Variants in JCAD observed in about 807,000 individuals in gnomAD.
JCAD encodes the protein junctional cadherin 5 associated.
Under a neutral mutation model 98.0 loss-of-function variants are expected in JCAD, and 40 were observed. The observed-to-expected ratio is 0.41, with a 90% CI of 0.32 to 0.53. The LOEUF is 0.53. JCAD is among the 20% of genes least tolerant of loss of function. JCAD has a pLI of 0.31. For missense variants in JCAD, 1,705 were observed against 1,738.1 expected (o/e 0.98, Z 0.34); for synonymous variants, 691 against 682.3 (o/e 1.01, Z -0.20).
At chr10:30,048,982 C>T (rs1837413512) in intron 1 of JCAD, among the ~76,000 whole-genome samples, 1 of 152,210 alleles carries the variant, frequency 6.6e-6, no homozygotes, top group Non-Finnish European at 1.5e-5. Context: ...CCTGAATCAA[C>T]AGCAGCAACT....
At position 30,027,379 on chromosome 10, in the gene JCAD, G is replaced by A. The variant is rs1329768150; in HGVS notation, c.2769C>T (p.Gly923=). 6.2e-7 allele frequency: 1 copy of A among 1,608,468 alleles called. No individual in the cohort carries two copies. Among genetic ancestry groups the A allele is most frequent in the Middle Eastern group, 1.6e-4 (1 of 6,062 alleles). The change falls in exon 3 of 4, where the codon GGC becomes GGT. Residue 923 remains glycine, a synonymous_variant. Transcript: ENST00000375377. Reference sequence around the variant, plus strand: ...GGGATGGAGGCCAGGCACGTGGGTGGCCAGGCTGCAGCTCCTCACTCCAGC... The same window carrying A: ...GGGATGGAGGCCAGGCACGTGGGTGACCAGGCTGCAGCTCCTCACTCCAGC... ...SESWSEELQP[G]HPRAWPPSPG... is the part of the protein sequence containing the mutation.
At position 30,047,582 on chromosome 10, in the gene JCAD, T is replaced by C. The variant is rs773193752; in HGVS notation, c.231A>G (p.Arg77=). The change falls in exon 2 of 4, where the codon AGA becomes AGG. Residue 77 remains arginine, a synonymous_variant. Transcript: ENST00000375377. ...AAGTGCTCTGGGGCTCCCCGTGGCC[T>C]CTCGGTGTGCTGCGGCGGCTTTCGG... The part of the protein sequence containing the change: ...SDSESRRSTP[R]GHGEPQSTSA... 6 of 1,613,920 alleles carry C rather than the reference T, an allele frequency of 3.7e-6. No homozygotes were observed. Among genetic ancestry groups the C allele is most frequent in the Non-Finnish European group, 5.1e-6 (6 of 1,180,000 alleles).
intron 1 of JCAD, among the ~76,000 whole-genome samples, chr10:30,115,003 C>G (rs1344377852): frequency 2.0e-5 from 3 of 152,182 alleles, no homozygotes; most frequent in African/African-American, 7.2e-5. Context: ...GTGCTGGGAA[C>G]CGCTTCTGTA....
Position 30,027,857 on chromosome 10 carries a change from A to G in JCAD, c.2291T>C (p.Phe764Ser). ...RSLSPSSNSA[F>S]SRTSLSVDQA... The stretch of plus-strand genomic sequence containing the variant: ...GTCCACGGACAAGGAAGTCCTTGAG[A>G]ACGCACTGTTGCTGGATGGGCTGAG... The change falls in exon 3 of 4, where the codon TTC (phenylalanine) becomes TCC (serine). Residue 764 changes from phenylalanine (F) to serine (S), a missense_variant. Phe to Ser is a radical substitution (Grantham distance 155). Coordinates refer to ENST00000375377, the MANE Select transcript of JCAD (RefSeq NM_020848.4). 1 of 1,614,234 alleles carries G rather than the reference A, an allele frequency of 6.2e-7. No individual in the cohort carries two copies. The highest frequency in any genetic ancestry group is 8.5e-7 in the Non-Finnish European group (1 of 1,180,040).
Position 30,026,650 on chromosome 10 carries a change from G to A in JCAD, c.3498C>T (p.Ala1166=). 2 of 1,613,114 alleles carry A rather than the reference G, an allele frequency of 1.2e-6. No individual in the cohort carries two copies. The highest frequency in any genetic ancestry group is 1.3e-5 in the African/African-American group (1 of 75,010). Residue 1166 remains alanine (A), a synonymous_variant, in exon 3 of 4, where the codon GCC becomes GCT. Transcript: ENST00000375377. The part of the protein sequence containing the change: ...SPLFVGDRDS[A]RRAPQAFEHS... ...GCTCAAAAGCCTGAGGAGCCCGCCT[G>A]GCACTGTCCCTGTCCCCTACAAAGA...
chr10:30,106,730 A>C (rs968116533), intron 1 of JCAD, among the ~76,000 whole-genome samples: 2 of 152,104 alleles, frequency 1.3e-5, no homozygotes, highest in Non-Finnish European at 2.9e-5. Context: ...TGAACTCCTG[A>C]CCTCAGGTGA....
At position 30,029,020 on chromosome 10, in the gene JCAD, C is replaced by T. The variant is rs2478835; in HGVS notation, c.1128G>A (p.Pro376=). Residue 376 remains proline, a synonymous_variant, in exon 3 of 4, where the codon CCG becomes CCA. Coordinates refer to ENST00000375377, the MANE Select transcript of JCAD (RefSeq NM_020848.4). Reference sequence around the variant, plus strand: ...GACCGCTGGCCCCAGCCTTCTCGGTCGGAGACTGCTGTTGACTGTGACCGC... The same window carrying T: ...GACCGCTGGCCCCAGCCTTCTCGGTTGGAGACTGCTGTTGACTGTGACCGC... ...VCGGHSQQQS[P]TEKAGASGQP... is the part of the protein sequence containing the mutation. The T allele has an allele frequency of 0.41, 659,441 of 1,613,654 alleles. 140,990 individuals are homozygous for T. The highest frequency in any genetic ancestry group is 0.44 in the Non-Finnish European group (521,265 of 1,179,900).
chr10:30,111,173 C>G (rs1203522561), intron 1 of JCAD, among the ~76,000 whole-genome samples: 1 of 152,234 alleles, frequency 6.6e-6, no homozygotes, highest in Non-Finnish European at 1.5e-5. Context: ...GCTCTCCACT[C>G]ACTCTGGACC....
Position 30,015,778 on chromosome 10 carries a change from A to C in JCAD, c.*2105T>G, listed in dbSNP as rs1179326010. ...TATACATGTATGGGTATGTGTGCAT[A>C]CATGTACGAGTATACATGTGCACGT... On this transcript the variant is annotated 3_prime_UTR_variant, in exon 4 of 4. Coordinates refer to ENST00000375377, the MANE Select transcript of JCAD (RefSeq NM_020848.4). The C allele has an allele frequency of 1.3e-5, 2 of 152,248 alleles. No individual in the cohort carries two copies. The highest frequency in any genetic ancestry group is 1.3e-4 in the Admixed American group (2 of 15,288). The allele number at this position is 152,248 out of a possible 1,614,324, so 9.4% of individuals were successfully genotyped here.
intron 1 of JCAD, among the ~76,000 whole-genome samples, chr10:30,082,843 C>T (rs1176479876): frequency 1.0e-5 from 1 of 99,050 alleles, no homozygotes; most frequent in African/African-American, 3.9e-5. Flanking sequence ...AAGAGTGAAA[C>T]TCTGTCTCAA....
intron 2 of JCAD, among the ~76,000 whole-genome samples, chr10:30,044,459 C>T (rs746794896): frequency 7.2e-5 from 11 of 152,222 alleles, no homozygotes; most frequent in Non-Finnish European, 1.3e-4. Context: ...GAGGAACTCT[C>T]GTGACCCTTC....
chr10:30,064,494 A>G (rs763010933), upstream of JCAD, among the ~76,000 whole-genome samples: 1 of 152,182 alleles, frequency 6.6e-6, no homozygotes, highest in Non-Finnish European at 1.5e-5. Flanking sequence ...ATACGCCATC[A>G]CCTTATACAT....
chr10:30,029,627 C>T lies in JCAD; in HGVS notation c.521G>A (p.Arg174Gln), dbSNP rs772929418. 26 of 1,614,112 alleles carry T rather than the reference C, an allele frequency of 1.6e-5. No individual in the cohort carries two copies. The highest frequency in any genetic ancestry group is 1.6e-4 in the Middle Eastern group (1 of 6,084). ...CTGCCACTTGGCAGGACCTGACATT[C>T]GCAATTCTTCTTCCCAAACTGGCTT... The part of the protein sequence containing the change: ...MKKPVWEEEL[R>Q]MSGPAKWQNV... The change falls in exon 3 of 4, where the codon CGA becomes CAA. Residue 174 changes from arginine (R) to glutamine (Q), a missense_variant. Coordinates refer to ENST00000375377, the MANE Select transcript of JCAD (RefSeq NM_020848.4).
At chr10:30,020,148 G>A (rs979084708) in intron 3 of JCAD, among the ~76,000 whole-genome samples, 23 of 151,692 alleles carry the variant, frequency 1.5e-4, no homozygotes, top group African/African-American at 5.3e-4. Flanking sequence ...CCGACATGGC[G>A]AAACCCCATC....
intron 2 of JCAD, among the ~76,000 whole-genome samples, chr10:30,035,998 T>C (rs550491502): frequency 3.3e-5 from 5 of 152,266 alleles, no homozygotes; most frequent in African/African-American, 1.2e-4. Context: ...TGAAAAACAA[T>C]ATGTTTAACA....
At chr10:30,070,583 T>C (rs1837866328) in intron 1 of JCAD, among the ~76,000 whole-genome samples, 1 of 152,238 alleles carries the variant, frequency 6.6e-6, no homozygotes, top group Admixed American at 6.5e-5. Context: ...ATGCCTGGAA[T>C]GTGTATTAGA....
At chr10:30,073,435 C>T (rs1437945640) in intron 1 of JCAD, among the ~76,000 whole-genome samples, 1 of 152,172 alleles carries the variant, frequency 6.6e-6, no homozygotes, top group African/African-American at 2.4e-5. Flanking sequence ...TGCAAAGCAC[C>T]TCGAACATCA....
At chr10:30,114,342 G>T (rs1838756060) in intron 1 of JCAD, among the ~76,000 whole-genome samples, 1 of 152,190 alleles carries the variant, frequency 6.6e-6, no homozygotes, top group African/African-American at 2.4e-5. Flanking sequence ...ACTATTTGAT[G>T]CAGAGCATAT....
chr10:30,099,278 TA>T (rs1275039466), intron 1 of JCAD, among the ~76,000 whole-genome samples: 2 of 152,216 alleles, frequency 1.3e-5, no homozygotes, highest in Admixed American at 6.5e-5. Context: ...GATTTATTCC[TA>T]ACTTCTCATT....
Sources: allele counts gnomAD v4.1 joint callset (sites outside exome capture counted in the v4.1 genomes callset), GRCh38; gene constraint gnomAD v4.1.1; transcripts MANE v1.5; gene names NCBI Gene and HGNC (gene_info 2026-07-23, HGNC 2026-07-21).